UEVLD: variants seen among roughly 807,000 people sequenced by gnomAD.
The protein encoded by UEVLD is UEV and lactate/malate dehyrogenase domains.
UEVLD carries 47 observed loss-of-function variants against 58.6 expected under a neutral mutation model. The ratio of observed to expected loss-of-function variants is 0.80; its 90% CI spans 0.63 to 1.02. UEVLD has a LOEUF of 1.02. Among genes scored for constraint, UEVLD ranks in the 50% least tolerant of loss-of-function variants. The pLI is 0.00. For synonymous variants in UEVLD, 197 were observed against 195.3 expected (o/e 1.01, Z -0.07); for missense variants, 510 against 550.6 (o/e 0.93, Z 0.74).
At chr11:18,552,959 T>A (rs1345789526) in intron 7 of UEVLD, among the ~76,000 whole-genome samples, 2 of 150,878 alleles carry the variant, frequency 1.3e-5, no homozygotes, top group Non-Finnish European at 3.0e-5. Context: ...ATCGAGACCA[T>A]CCTGGCTAAC....
Position 18,558,216 on chromosome 11 carries a change from G to C in UEVLD, c.715+12C>G. ...CTAATAAGGCATACATCTTTAAGCA[G>C]AATAAACAGACCTTTGCTGATCTCC... On this transcript the variant is annotated intron_variant, in intron 7 of 11. Transcript: ENST00000396197. The C allele has an allele frequency of 6.2e-7, 1 of 1,602,416 alleles. No individual in the cohort carries two copies. The highest frequency in any genetic ancestry group is 1.1e-5 in the South Asian group (1 of 89,190).
chr11:18,538,346 G>A (rs890647318), intron 9 of UEVLD, among the ~76,000 whole-genome samples: 1 of 148,674 alleles, frequency 6.7e-6, no homozygotes, highest in African/African-American at 2.5e-5. Context: ...GCACCATCTC[G>A]GCTCACTGCA....
chr11:18,544,560 C>A, intron 9 of UEVLD, 63 bp downstream of exon 9: 1 of 1,540,140 alleles, frequency 6.5e-7, no homozygotes, highest in South Asian at 1.2e-5. Flanking sequence ...CTGCCTTGGC[C>A]TCCCAAAGTG....
At chr11:18,553,130 G>A (rs1209965570) in intron 7 of UEVLD, among the ~76,000 whole-genome samples, 1 of 146,804 alleles carries the variant, frequency 6.8e-6, no homozygotes, top group Non-Finnish European at 1.5e-5. Flanking sequence ...ACTCCAGCCT[G>A]GGTGACAGAG....
chr11:18,553,787 A>G (rs896329723), intron 7 of UEVLD, among the ~76,000 whole-genome samples: 1 of 152,188 alleles, frequency 6.6e-6, no homozygotes, highest in Non-Finnish European at 1.5e-5. Context: ...TAAATTAGCT[A>G]GTAGAGGAAA....
At chr11:18,576,153 T>C (rs1211105698) in intron 2 of UEVLD, among the ~76,000 whole-genome samples, 5 of 152,244 alleles carry the variant, frequency 3.3e-5, no homozygotes, top group Non-Finnish European at 2.9e-5. Flanking sequence ...TTATAATTTA[T>C]AGTTTAAAAC....
chr11:18,567,947 C>T (rs939478987), intron 4 of UEVLD, among the ~76,000 whole-genome samples: 3 of 152,026 alleles, frequency 2.0e-5, no homozygotes, highest in African/African-American at 4.8e-5. Flanking sequence ...GAGTTCAATA[C>T]CAGCCTGGAC....
chr11:18,551,381 C>A (rs1230464795), intron 7 of UEVLD, among the ~76,000 whole-genome samples: 1 of 125,372 alleles, frequency 8.0e-6, no homozygotes, highest in African/African-American at 2.6e-5. Flanking sequence ...TGAGATCGCG[C>A]CACTGCACCC....
intron 7 of UEVLD, 148 bp from the exon 8 acceptor site, chr11:18,547,198 A>C (rs1851338905): frequency 1.3e-6 from 1 of 794,190 alleles, no homozygotes; most frequent in Non-Finnish European, 1.9e-6. Context: ...AAAAGCATAT[A>C]AAATGCGGAG....
intron 5 of UEVLD, among the ~76,000 whole-genome samples, chr11:18,565,925 G>A (rs1304740439): frequency 7.1e-6 from 1 of 141,418 alleles, no homozygotes; most frequent in Non-Finnish European, 1.5e-5. Context: ...TTGAGATGGA[G>A]TCTTGCTCTG....
chr11:18,582,881 A>T (rs1853316907), intron 1 of UEVLD, among the ~76,000 whole-genome samples: 1 of 152,198 alleles, frequency 6.6e-6, no homozygotes, highest in East Asian at 1.9e-4. Context: ...ATAAAATTTT[A>T]AATTTGCCTG....
At chr11:18,577,621 G>A (rs1394859172) in intron 2 of UEVLD, among the ~76,000 whole-genome samples, 1 of 152,218 alleles carries the variant, frequency 6.6e-6, no homozygotes, top group Non-Finnish European at 1.5e-5. Context: ...TGTAATCCCA[G>A]CACTTTGGGA....
intron 7 of UEVLD, among the ~76,000 whole-genome samples, chr11:18,548,103 C>T (rs1851376332): frequency 6.6e-6 from 1 of 152,106 alleles, no homozygotes; most frequent in South Asian, 2.1e-4. Flanking sequence ...TGGATAACTA[C>T]TTCTTCCCAT....
At chr11:18,580,577 A>G (rs1853186465) in intron 1 of UEVLD, among the ~76,000 whole-genome samples, 1 of 151,938 alleles carries the variant, frequency 6.6e-6, no homozygotes, top group Non-Finnish European at 1.5e-5. Flanking sequence ...CCTTAAAAAC[A>G]CTATGCTAAG....
intron 3 of UEVLD, 100 bp from the exon 4 acceptor site, chr11:18,570,477 G>T: frequency 8.7e-7 from 1 of 1,153,044 alleles, no homozygotes; most frequent in Non-Finnish European, 1.2e-6. Flanking sequence ...CTGGGGTGGT[G>T]GCTGAAGCCT....
intron 7 of UEVLD, among the ~76,000 whole-genome samples, chr11:18,552,914 G>C (rs1851592041): frequency 6.6e-6 from 1 of 151,976 alleles, no homozygotes; most frequent in Non-Finnish European, 1.5e-5. Flanking sequence ...CCAGCACTTT[G>C]GGAGGCCAAG....
chr11:18,588,087 G>C, intron 1 of UEVLD, among the ~76,000 whole-genome samples: 1 of 152,146 alleles, frequency 6.6e-6, no homozygotes, highest in Non-Finnish European at 1.5e-5. Flanking sequence ...GTCAAACATA[G>C]TGGCTAGAGG....
rs1852308492 is a variant in UEVLD, at chr11:18,566,458, T to C, written c.382A>G (p.Ile128Val). ...SHPKSVIVGL[I>V]KEMIAKFQEE... ...TGAAACTTGGCAATCATTTCTTTAA[T>C]TAATCCAACAATGACAGATTTAGGC... The change falls in exon 5 of 12, where the codon ATT (isoleucine) becomes GTT (valine). Residue 128 changes from isoleucine (I) to valine (V), a missense_variant. Physicochemically the swap from Ile to Val is conservative, Grantham distance 29 (BLOSUM62 3). Transcript: ENST00000396197. The C allele has an allele frequency of 1.2e-6, 2 of 1,613,922 alleles. No individual in the cohort carries two copies. The highest frequency in any genetic ancestry group is 1.7e-5 in the Admixed American group (1 of 59,990).
intron 1 of UEVLD, among the ~76,000 whole-genome samples, chr11:18,584,436 T>C (rs773005818): frequency 2.6e-5 from 4 of 152,044 alleles, no homozygotes; most frequent in Non-Finnish European, 4.4e-5. Context: ...TACTGGTGAA[T>C]TGACCCACCC....
Sources: gnomAD v4.1 joint callset for allele counts (sites outside exome capture counted in the v4.1 genomes callset) on GRCh38, gnomAD v4.1.1 for gene constraint, MANE v1.5 for transcripts, NCBI Gene and HGNC (gene_info 2026-07-23, HGNC 2026-07-21) for gene names.